The following P2RY8 variants were observed in gnomAD, a reference collection of about 807,000 sequenced individuals.
P2RY8 encodes S-geranylgeranyl-glutathione receptor P2RY8.
Under a neutral mutation model 10.0 loss-of-function variants are expected in P2RY8, and 6 were observed. The ratio of observed to expected loss-of-function variants is 0.60; its 90% CI spans 0.33 to 1.19. The LOEUF (loss-of-function observed/expected upper bound fraction) is 1.19, where lower values mean the gene tolerates loss of function less well. P2RY8 is among the 50% of genes most tolerant of loss of function. P2RY8 has a pLI of 0.04. For missense variants in P2RY8, 456 were observed against 542.0 expected (o/e 0.84, Z 1.58); for synonymous variants, 276 against 252.5 (o/e 1.09, Z -0.88).
intron 1 of P2RY8, among the ~76,000 whole-genome samples, chrX:1,498,231 C>T (rs1463381583): frequency 1.3e-4 from 19 of 151,538 alleles, no homozygotes; most frequent in Middle Eastern, 3.4e-3. Flanking sequence ...ATGCTGAAAC[C>T]CCGTCTCTAC....
intron 1 of P2RY8, among the ~76,000 whole-genome samples, chrX:1,486,851 G>A (rs1285829461): frequency 1.3e-5 from 2 of 152,192 alleles, no homozygotes; most frequent in African/African-American, 4.8e-5. Flanking sequence ...GCTGAGTCCT[G>A]AATGCTCCTG....
intron 1 of P2RY8, among the ~76,000 whole-genome samples, chrX:1,490,905 T>C (rs1364496545): frequency 1.5e-4 from 21 of 141,298 alleles, no homozygotes; most frequent in South Asian, 2.3e-4. Context: ...AGATATTCCC[T>C]GCAAATGTGG....
At chrX:1,492,367 G>T (rs1403619065) in intron 1 of P2RY8, among the ~76,000 whole-genome samples, 1 of 152,128 alleles carries the variant, frequency 6.6e-6, no homozygotes, top group Non-Finnish European at 1.5e-5. Context: ...TGTAACTTGT[G>T]GGTGCCAGGA....
intron 1 of P2RY8, among the ~76,000 whole-genome samples, chrX:1,474,175 T>C (rs2091844342): frequency 6.6e-6 from 1 of 151,598 alleles, no homozygotes; most frequent in African/African-American, 2.4e-5. Context: ...GGTGTATGGA[T>C]GGGTGGATGA....
intron 1 of P2RY8, among the ~76,000 whole-genome samples, chrX:1,532,786 G>A (rs2092489078): frequency 6.6e-6 from 1 of 151,940 alleles, no homozygotes; most frequent in Non-Finnish European, 1.5e-5. Flanking sequence ...CAGATCACAA[G>A]GTCAGGAGTT....
At chrX:1,477,683 C>G (rs2091891068) in intron 1 of P2RY8, among the ~76,000 whole-genome samples, 1 of 152,048 alleles carries the variant, frequency 6.6e-6, no homozygotes, top group African/African-American at 2.4e-5. Context: ...TGCTCAACAC[C>G]CTACAGTACA....
chrX:1,500,118 A>G (rs751006421), intron 1 of P2RY8, among the ~76,000 whole-genome samples: 3 of 150,888 alleles, frequency 2.0e-5, no homozygotes, highest in Admixed American at 6.7e-5. Context: ...TCGGCCTCCC[A>G]AAGTGCTGGG....
chrX:1,507,354 G>A (rs1603457976), intron 1 of P2RY8, among the ~76,000 whole-genome samples: 1 of 152,180 alleles, frequency 6.6e-6, no homozygotes, highest in East Asian at 1.9e-4. Context: ...ACACCTGTCA[G>A]TCAGCACCCA....
At chrX:1,524,645 A>ACATCCATC (rs2092423401) in intron 1 of P2RY8, among the ~76,000 whole-genome samples, 4 of 42,216 alleles carry the variant, frequency 9.5e-5, no homozygotes, top group African/African-American at 3.9e-4. Context: ...ATCCATCCAT[A>ACATCCATC]CATCCATCCA....
chrX:1,523,018 G>A (rs1488627098), intron 1 of P2RY8, among the ~76,000 whole-genome samples: 5 of 140,156 alleles, frequency 3.6e-5, no homozygotes, highest in African/African-American at 8.1e-5. Context: ...GCAGAAAGCC[G>A]AGATTGCACT....
intron 1 of P2RY8, among the ~76,000 whole-genome samples, chrX:1,481,390 C>T (rs2091933310): frequency 1.3e-5 from 2 of 152,140 alleles, no homozygotes; most frequent in African/African-American, 2.4e-5. Context: ...TCTTGAACTC[C>T]CGACCTCAGG....
intron 1 of P2RY8, among the ~76,000 whole-genome samples, chrX:1,515,630 C>G (rs1327290826): frequency 6.6e-6 from 1 of 151,832 alleles, no homozygotes; most frequent in Non-Finnish European, 1.5e-5. Flanking sequence ...CTCGGCCTCC[C>G]AAAGTGCTGG....
In P2RY8 at chrX:1,465,873, C is replaced by T. The variant is rs1276687686; in HGVS notation, c.686G>A (p.Arg229Gln). Residue 229 changes from arginine (R) to glutamine (Q), a missense_variant, in exon 2 of 2, where the codon CGG becomes CAG. Arg to Gln is a conservative substitution (Grantham distance 43). Transcript: ENST00000381297. Reference protein sequence around the residue: ...KLLRTEEAHGREQRRRAVGLA... With the variant: ...KLLRTEEAHGQEQRRRAVGLA... ...GCCCACCGCGCGCCTCCGCTGCTCC[C>T]GGCCGTGCGCCTCCTCCGTGCGCAA... 2 of 1,612,438 alleles carry T rather than the reference C, an allele frequency of 1.2e-6. No individual in the cohort carries two copies. The highest frequency in any genetic ancestry group is 1.3e-5 in the African/African-American group (1 of 75,028).
chrX:1,526,987 G>A (rs1279558393), intron 1 of P2RY8, among the ~76,000 whole-genome samples: 7 of 152,042 alleles, frequency 4.6e-5, no homozygotes, highest in African/African-American at 9.7e-5. Context: ...TCTGCCTCCC[G>A]GGTTCAAGGG....
intron 1 of P2RY8, among the ~76,000 whole-genome samples, chrX:1,486,825 C>T (rs2091990309): frequency 6.6e-6 from 1 of 152,230 alleles, no homozygotes; most frequent in Admixed American, 6.5e-5. Flanking sequence ...ACCCTCCTGG[C>T]TGACTCCCTG....
At chrX:1,521,957 T>TTTTTTTTTTTTTG in intron 1 of P2RY8, among the ~76,000 whole-genome samples, 1 of 122,932 alleles carries the variant, frequency 8.1e-6, no homozygotes, top group Non-Finnish European at 1.7e-5. Context: ...TTTTTTTTTT[T>TTTTTTTTTTTTTG]TTTTTTTTTT....
intron 1 of P2RY8, among the ~76,000 whole-genome samples, chrX:1,519,461 T>G (rs1428599060): frequency 1.3e-5 from 2 of 151,678 alleles, no homozygotes; most frequent in Non-Finnish European, 2.9e-5. Context: ...ATCCCAATAT[T>G]CTCTCTGGTT....
Position 1,464,633 on chromosome X carries a change from C to T in P2RY8, c.*846G>A, listed in dbSNP as rs1357972919. Reference sequence around the variant, plus strand: ...TTCCGCACCTGGGCCTCCCGTGGTCCTTGTCCTGAGTCAGGGAAGCCTGAG... The same window carrying T: ...TTCCGCACCTGGGCCTCCCGTGGTCTTTGTCCTGAGTCAGGGAAGCCTGAG... On this transcript the variant is annotated 3_prime_UTR_variant, in exon 2 of 2. Coordinates refer to ENST00000381297, the MANE Select transcript of P2RY8 (RefSeq NM_178129.5). 2.1e-5 allele frequency: 5 copies of T among 233,314 alleles called. No individual in the cohort carries two copies. Among genetic ancestry groups the T allele is most frequent in the African/African-American group, 4.4e-5 (2 of 45,342 alleles). The allele number at this position is 233,314 out of a possible 1,614,324, so 14.5% of individuals were successfully genotyped here.
At chrX:1,533,587 C>T (rs9785719) in intron 1 of P2RY8, among the ~76,000 whole-genome samples, 9 of 3,328 alleles carry the variant, frequency 2.7e-3, no homozygotes, top group South Asian at 0.031. Context: ...ATATTATATA[C>T]TTATATATTT....
Sources: allele counts gnomAD v4.1 joint callset (sites outside exome capture counted in the v4.1 genomes callset), GRCh38; gene constraint gnomAD v4.1.1; transcripts MANE v1.5; gene names NCBI Gene and HGNC (gene_info 2026-07-23, HGNC 2026-07-21).